The following SGCZ variants were observed in gnomAD, a reference collection of about 807,000 sequenced individuals.
The protein encoded by SGCZ is sarcoglycan zeta.
In SGCZ, 40 loss-of-function variants were observed where a neutral mutation model predicts 41.3. The ratio of observed to expected loss-of-function variants is 0.97; its 90% CI spans 0.75 to 1.26. The LOEUF is 1.26. Ranked by LOEUF, SGCZ falls within the 50% of genes most tolerant of loss-of-function variation. SGCZ has a pLI of 0.00. For missense variants in SGCZ, 552 were observed against 369.8 expected, an observed-to-expected ratio of 1.49 and a Z score of -4.04; for synonymous variants, 206 against 137.5, an observed-to-expected ratio of 1.50 and a Z score of -3.49.
rs183529301 is a variant in SGCZ, at chr8:14,635,830, T to C, written c.40-80904A>G. Among the ~76,000 whole-genome samples the C allele has an allele frequency of 3.3e-5, 5 of 151,932 alleles. No homozygotes were observed. In the Admixed American group the frequency reaches 3.3e-4, roughly 10 times the overall value. ...GCTATACTGTAATTGATGCTGGAGA[T>C]AGAATGAGAGAAAAGTAGACATATT... On this transcript the variant is annotated intron_variant, in intron 1 of 7. Coordinates refer to ENST00000382080, the MANE Select transcript of SGCZ (RefSeq NM_139167.4).
intron 1 of SGCZ, among the ~76,000 whole-genome samples, chr8:14,686,592 G>C (rs1214786115): frequency 6.6e-6 from 1 of 152,046 alleles, no homozygotes; most frequent in Non-Finnish European, 1.5e-5. Flanking sequence ...CAGGTTTTCA[G>C]CTTCTGGAGA....
At chr8:14,125,555 C>A (rs903384707) in intron 5 of SGCZ, among the ~76,000 whole-genome samples, 5 of 150,786 alleles carry the variant, frequency 3.3e-5, no homozygotes, top group African/African-American at 7.3e-5. Flanking sequence ...CCACACTGCC[C>A]AAAGTAATTT....
chr8:14,177,983 A>G (rs1348631515), intron 4 of SGCZ, among the ~76,000 whole-genome samples: 10 of 2,098 alleles, frequency 4.8e-3, no homozygotes, highest in Non-Finnish European at 0.016. Context: ...TTTGAGACGA[A>G]GTCTCACTCT....
At chr8:15,020,708 T>C (rs1007136646) in intron 1 of SGCZ, among the ~76,000 whole-genome samples, 1 of 152,192 alleles carries the variant, frequency 6.6e-6, no homozygotes, top group Non-Finnish European at 1.5e-5. Context: ...GTTATTTGCA[T>C]TATGGTCAGT....
chr8:15,216,911 C>T (rs574441193), intron 1 of SGCZ, among the ~76,000 whole-genome samples: 2 of 152,190 alleles, frequency 1.3e-5, no homozygotes, highest in African/African-American at 4.8e-5. Flanking sequence ...GGTATCGTTG[C>T]TTCTGCACAT....
intron 1 of SGCZ, among the ~76,000 whole-genome samples, chr8:15,149,687 G>A (rs868213859): frequency 4.3e-4 from 56 of 128,800 alleles, no homozygotes; most frequent in Middle Eastern, 6.5e-3. Context: ...CACCTTTAAC[G>A]ACTGCTGGTA....
chr8:14,704,344 T>G (rs567403994), intron 1 of SGCZ, among the ~76,000 whole-genome samples: 136 of 152,188 alleles, frequency 8.9e-4, no homozygotes, highest in African/African-American at 3.2e-3. Context: ...TAATCATTTT[T>G]TTGAAATTAT....
chr8:14,398,947 C>A (rs1798995374), intron 2 of SGCZ, among the ~76,000 whole-genome samples: 1 of 151,972 alleles, frequency 6.6e-6, no homozygotes, highest in Non-Finnish European at 1.5e-5. Context: ...ATTTTCTTTT[C>A]TTTTTAAATT....
At chr8:15,230,185 TAAA>T (rs200066472) in intron 1 of SGCZ, among the ~76,000 whole-genome samples, 78 of 139,394 alleles carry the variant, frequency 5.6e-4, no homozygotes, top group South Asian at 2.5e-3. Context: ...GGATACTAGT[TAAA>T]AAAAAAAAAA....
intron 2 of SGCZ, among the ~76,000 whole-genome samples, chr8:14,495,592 A>T (rs982577271): frequency 2.0e-5 from 3 of 152,154 alleles, no homozygotes; most frequent in East Asian, 1.9e-4. Context: ...TGCATTTTAC[A>T]TATATTTTCT....
At chr8:14,401,686 A>C (rs1799081217) in intron 2 of SGCZ, among the ~76,000 whole-genome samples, 1 of 151,686 alleles carries the variant, frequency 6.6e-6, no homozygotes, top group Non-Finnish European at 1.5e-5. Context: ...CCAGTCTATC[A>C]TTGTTGGACA....
rs77103106 is a variant in SGCZ, at chr8:14,297,571, C to A, written c.336+26532G>T. On this transcript the variant is annotated intron_variant, in intron 3 of 7. Transcript: ENST00000382080. ...CCGCTTTCTAGAATAAAAGCAAAGA[C>A]AATAATATAGAGCACATTAAAGAAA... is the stretch of plus-strand genomic sequence containing the variant. Among the ~76,000 whole-genome samples the A allele has an allele frequency of 6.1e-3, 925 of 151,488 alleles. 39 individuals carry two copies. The highest frequency in any genetic ancestry group is 0.05 in the East Asian group (258 of 5,142).
chr8:14,488,987 T>C (rs1220818524), intron 2 of SGCZ, among the ~76,000 whole-genome samples: 13 of 147,396 alleles, frequency 8.8e-5, no homozygotes, highest in African/African-American at 3.0e-4. Context: ...TATATATAGA[T>C]ATACATAATA....
At chr8:14,467,788 C>G (rs1160140496) in intron 2 of SGCZ, among the ~76,000 whole-genome samples, 2 of 152,020 alleles carry the variant, frequency 1.3e-5, no homozygotes, top group Non-Finnish European at 1.5e-5. Flanking sequence ...CAAGTTACAT[C>G]ATACTGTAAT....
At chr8:14,109,594 T>C (rs550385734) in intron 5 of SGCZ, among the ~76,000 whole-genome samples, 2 of 152,256 alleles carry the variant, frequency 1.3e-5, no homozygotes, top group South Asian at 4.1e-4. Flanking sequence ...AAATCTGTTT[T>C]TGTCTAATGA....
intron 2 of SGCZ, among the ~76,000 whole-genome samples, chr8:14,497,402 CACTT>C (rs1802020657): frequency 6.6e-6 from 1 of 152,118 alleles, no homozygotes; most frequent in South Asian, 2.1e-4. Flanking sequence ...AGCAAGAACT[CACTT>C]ACCACTAAGG....
rs141416690 is a variant in SGCZ, at chr8:14,151,064, T to C, written c.547+13516A>G. On this transcript the variant is annotated intron_variant, in intron 5 of 7. Transcript: ENST00000382080. ...GCGTCAGGTGAGGTGGGAATGGTTATTGAGTACAAAAAATAGTAAGAAAAA... is the reference window on the plus strand; with the variant it reads ...GCGTCAGGTGAGGTGGGAATGGTTACTGAGTACAAAAAATAGTAAGAAAAA... Among the ~76,000 whole-genome samples the C allele has an allele frequency of 2.8e-3, 422 of 152,194 alleles. 1 individual carries two copies. Among genetic ancestry groups the C allele is most frequent in the African/African-American group, 6.5e-3 (269 of 41,542 alleles).
intron 1 of SGCZ, among the ~76,000 whole-genome samples, chr8:15,093,423 A>G (rs1466474225): frequency 1.3e-5 from 2 of 152,162 alleles, no homozygotes; most frequent in African/African-American, 4.8e-5. Flanking sequence ...TTTCACCTTC[A>G]ATATTCATAT....
intron 1 of SGCZ, among the ~76,000 whole-genome samples, chr8:14,689,136 A>G (rs1465835577): frequency 6.6e-6 from 1 of 152,148 alleles, no homozygotes; most frequent in Non-Finnish European, 1.5e-5. Flanking sequence ...GCTCTTTAAT[A>G]CAAATTTTCT....
Sources: allele counts gnomAD v4.1 joint callset (sites outside exome capture counted in the v4.1 genomes callset), GRCh38; gene constraint gnomAD v4.1.1; transcripts MANE v1.5; gene names NCBI Gene and HGNC (gene_info 2026-07-23, HGNC 2026-07-21).